Variants in IPCEF1 observed in about 807,000 individuals in gnomAD.
IPCEF1 encodes interactor protein for cytohesin exchange factors 1.
A neutral mutation model predicts 50.9 loss-of-function variants in IPCEF1; 31 were observed. The ratio of observed to expected loss-of-function variants is 0.61; its 90% confidence interval spans 0.46 to 0.82. The LOEUF is 0.82. IPCEF1 is among the 40% of genes least tolerant of loss of function. IPCEF1 has a pLI of 0.00. For synonymous variants in IPCEF1, 181 were observed against 192.0 expected (o/e 0.94, Z 0.47); for missense variants, 458 against 514.0 (o/e 0.89, Z 1.05).
At chr6:154,193,037 G>T (rs924901130) in intron 10 of IPCEF1, among the ~76,000 whole-genome samples, 1 of 152,146 alleles carries the variant, frequency 6.6e-6, no homozygotes, top group Non-Finnish European at 1.5e-5. Flanking sequence ...CACAGGAAAA[G>T]AAGTCATTAT....
intron 1 of IPCEF1, among the ~76,000 whole-genome samples, chr6:154,352,139 A>G (rs541847754): frequency 1.3e-5 from 2 of 152,238 alleles, no homozygotes; most frequent in Non-Finnish European, 2.9e-5. Flanking sequence ...AACGTAAAGT[A>G]AAAGTTGAAG....
chr6:154,262,199 A>C (rs917548157), intron 3 of IPCEF1, among the ~76,000 whole-genome samples: 14 of 152,226 alleles, frequency 9.2e-5, no homozygotes, highest in Admixed American at 2.0e-4. Context: ...TGACTCTAGG[A>C]GTGGAGATGG....
chr6:154,225,990 C>T (rs1042893663), intron 5 of IPCEF1, among the ~76,000 whole-genome samples: 1 of 152,214 alleles, frequency 6.6e-6, no homozygotes. Flanking sequence ...CCCTCTGGAG[C>T]CACCCTGATG....
intron 1 of IPCEF1, among the ~76,000 whole-genome samples, chr6:154,327,729 C>A (rs569326039): frequency 1.1e-4 from 16 of 152,268 alleles, no homozygotes; most frequent in Non-Finnish European, 2.2e-4. Flanking sequence ...GGTATGTACC[C>A]AAAGGAATAG....
intron 7 of IPCEF1, chr6:154,217,117 T>G (rs1052679615): frequency 6.1e-5 from 10 of 163,278 alleles, no homozygotes; most frequent in Non-Finnish European, 1.2e-4. Context: ...CATTCCAGCC[T>G]TCCAAGGGTG....
intron 1 of IPCEF1, among the ~76,000 whole-genome samples, chr6:154,327,728 C>G (rs554070987): frequency 2.0e-5 from 3 of 152,190 alleles, no homozygotes; most frequent in African/African-American, 7.2e-5. Context: ...GGGTATGTAC[C>G]CAAAGGAATA....
At chr6:154,246,935 C>CAAAAAAAAA (rs10543127) in intron 4 of IPCEF1, 175 bp from the exon 5 acceptor site, 4 of 238,144 alleles carry the variant, frequency 1.7e-5, no homozygotes, top group Admixed American at 6.3e-5. Flanking sequence ...AAAACCAATG[C>CAAAAAAAAA]AAAAAAAAAA....
At chr6:154,283,365 G>A (rs1003543960) in intron 2 of IPCEF1, among the ~76,000 whole-genome samples, 1 of 150,004 alleles carries the variant, frequency 6.7e-6, no homozygotes, top group African/African-American at 2.5e-5. Flanking sequence ...GGGAGGCCGA[G>A]GCGGGTAGAT....
chr6:154,219,648 A>AG (rs1001241096), intron 7 of IPCEF1, among the ~76,000 whole-genome samples: 8 of 152,154 alleles, frequency 5.3e-5, no homozygotes, highest in Admixed American at 1.3e-4. Flanking sequence ...TAAAAAAAAA[A>AG]TAAGTAAAGA....
intron 3 of IPCEF1, among the ~76,000 whole-genome samples, chr6:154,263,642 C>G (rs1413580383): frequency 2.1e-5 from 2 of 93,494 alleles, no homozygotes; most frequent in African/African-American, 8.7e-5. Context: ...CCCACGTCTA[C>G]CTCTTTCTAC....
chr6:154,207,125 G>C (rs569559807), intron 9 of IPCEF1, among the ~76,000 whole-genome samples: 2 of 152,318 alleles, frequency 1.3e-5, no homozygotes, highest in African/African-American at 4.8e-5. Flanking sequence ...TCAGGTCAGG[G>C]CTGATGAGGG....
At chr6:154,269,042 C>G (rs990465371) in intron 2 of IPCEF1, among the ~76,000 whole-genome samples, 2 of 152,290 alleles carry the variant, frequency 1.3e-5, no homozygotes, top group East Asian at 1.9e-4. Context: ...TATAATATAA[C>G]CTAACTGAAG....
At position 154,168,136 on chromosome 6, in the gene IPCEF1, G is replaced by A; in HGVS notation, c.911-23C>T. On this transcript the variant is annotated intron_variant, in intron 10 of 11. Coordinates refer to ENST00000367220, the MANE Select transcript of IPCEF1 (RefSeq NM_001130700.2). This position sits in a 1 kb window ranked among gnomAD's most constrained non-coding sequence, Gnocchi z 4.1. Reference sequence around the variant, plus strand: ...CTTCTATTTGAAAAAAAAAAAGAAAGCAGTAACAATAAACCCAGTGAAAAA... The same window carrying A: ...CTTCTATTTGAAAAAAAAAAAGAAAACAGTAACAATAAACCCAGTGAAAAA... The A allele has an allele frequency of 1.3e-6, 2 of 1,497,752 alleles. No individual in the cohort carries two copies. The highest frequency in any genetic ancestry group is 1.8e-6 in the Non-Finnish European group (2 of 1,107,102). 92.8% of individuals were successfully genotyped at this position (1,497,752 alleles called of 1,614,324 possible). A position where few individuals can be genotyped will look rare whatever the true frequency, so the allele number is the denominator to read the frequency against.
intron 3 of IPCEF1, among the ~76,000 whole-genome samples, chr6:154,261,420 C>T (rs1200299769): frequency 6.6e-6 from 1 of 152,184 alleles, no homozygotes; most frequent in Non-Finnish European, 1.5e-5. Context: ...GAAAAATTCA[C>T]TCTCGTTGTC....
At chr6:154,355,853 T>A (rs1419275382) in intron 1 of IPCEF1, among the ~76,000 whole-genome samples, 2 of 151,590 alleles carry the variant, frequency 1.3e-5, no homozygotes, top group Non-Finnish European at 2.9e-5. Flanking sequence ...GTCTCATTAT[T>A]TTGCCCCCAG....
At chr6:154,217,307 GGCCA>G (rs1373268113) in intron 7 of IPCEF1, 1 of 152,922 alleles carries the variant, frequency 6.5e-6, no homozygotes, top group Non-Finnish European at 1.5e-5. Flanking sequence ...ACCCAAGATG[GGCCA>G]CTGTACTTTC....
At chr6:154,217,092 G>A (rs1207580938) in intron 7 of IPCEF1, 3 of 162,532 alleles carry the variant, frequency 1.8e-5, no homozygotes, top group Non-Finnish European at 4.1e-5. Context: ...GTCACTTTAC[G>A]GAAACAACGT....
intron 1 of IPCEF1, among the ~76,000 whole-genome samples, chr6:154,315,824 AT>A (rs137919545): frequency 0.058 from 8,732 of 151,414 alleles, 882 homozygotes; most frequent in African/African-American, 0.2. Context: ...AAAATGTGCA[AT>A]TTTTTTTGGG....
chr6:154,350,098 A>T (rs972304462), intron 1 of IPCEF1, among the ~76,000 whole-genome samples: 1 of 152,190 alleles, frequency 6.6e-6, no homozygotes, highest in Non-Finnish European at 1.5e-5. Context: ...GCCTAAATTT[A>T]TGGATCAAAG....
Sources: allele counts gnomAD v4.1 joint callset (sites outside exome capture counted in the v4.1 genomes callset), GRCh38; gene constraint gnomAD v4.1.1; non-coding constraint Gnocchi (gnomAD v3.1); transcripts MANE v1.5; gene names NCBI Gene and HGNC (gene_info 2026-07-23, HGNC 2026-07-21).